Variants in PALLD observed in about 807,000 individuals in gnomAD.
PALLD encodes the protein palladin, cytoskeletal associated protein.
Under a neutral mutation model 123.5 loss-of-function variants are expected in PALLD, and 61 were observed. The ratio of observed to expected loss-of-function variants is 0.49; its 90% confidence interval spans 0.40 to 0.61. The LOEUF is 0.61. Ranked by LOEUF, PALLD falls within the 20% of genes least tolerant of loss-of-function variation. The pLI, the probability that PALLD is intolerant of heterozygous loss-of-function variation, is 0.00. For synonymous variants in PALLD, 465 were observed against 496.4 expected (o/e 0.94, Z 0.84); for missense variants, 1,273 against 1,377.0 (o/e 0.92, Z 1.20).
At chr4:168,706,081 G>A (rs1352416910) in intron 8 of PALLD, among the ~76,000 whole-genome samples, 1 of 152,016 alleles carries the variant, frequency 6.6e-6, no homozygotes, top group Non-Finnish European at 1.5e-5. Flanking sequence ...TTAACTGTAT[G>A]CTTAATGTTG....
At chr4:168,533,574 C>G (rs1458638154) in intron 2 of PALLD, among the ~76,000 whole-genome samples, 1 of 152,164 alleles carries the variant, frequency 6.6e-6, no homozygotes, top group African/African-American at 2.4e-5. Flanking sequence ...ACGGAGAAGT[C>G]CATACGATGT....
chr4:168,882,392 G>T (rs1435363889), intron 10 of PALLD, among the ~76,000 whole-genome samples: 2 of 152,222 alleles, frequency 1.3e-5, no homozygotes, highest in African/African-American at 4.8e-5. Flanking sequence ...GAAAGCTGTT[G>T]TAGAAGCAGC....
At chr4:168,894,109 T>A (rs539810570) in intron 11 of PALLD, 8 of 189,494 alleles carry the variant, frequency 4.2e-5, no homozygotes, top group Non-Finnish European at 8.8e-5. Context: ...ATTATTTCCA[T>A]TAGCGATACC....
intron 10 of PALLD, among the ~76,000 whole-genome samples, chr4:168,889,964 GCTTTTTTTCA>G (rs1209121545): frequency 6.6e-6 from 1 of 152,114 alleles, no homozygotes; most frequent in Non-Finnish European, 1.5e-5. Flanking sequence ...TCTGTGACTT[GCTTTTTTTCA>G]CCGGAACTTT....
intron 2 of PALLD, among the ~76,000 whole-genome samples, chr4:168,658,292 T>TG (rs1432193010): frequency 6.7e-6 from 1 of 148,872 alleles, no homozygotes; most frequent in African/African-American, 2.5e-5. Context: ...TTGGTTTTTT[T>TG]TTTTTTTTTT....
rs138349886 is a variant in PALLD at position 168,564,828 on chromosome 4, G to A, written c.908+52416G>A. ...TCATAGGTCTCTACATTGATCAAAA[G>A]CAGATCCACCCTCATATTTGCTCCC... On this transcript the variant is annotated intron_variant, in intron 2 of 21. Coordinates refer to ENST00000505667, the MANE Select transcript of PALLD (RefSeq NM_001166108.2). Among the ~76,000 whole-genome samples, 16 of 152,150 alleles carry A rather than the reference G, an allele frequency of 1.1e-4. 1 individual carries two copies. The highest frequency in any genetic ancestry group is 2.0e-4 in the Admixed American group (3 of 15,286).
chr4:168,598,766 C>A, intron 2 of PALLD: 1 of 394,392 alleles, frequency 2.5e-6, no homozygotes, highest in South Asian at 2.0e-5. Context: ...TTTCTTGATT[C>A]ACACTGTTGG....
chr4:168,715,810 C>T (rs560131085), intron 10 of PALLD, among the ~76,000 whole-genome samples: 189 of 152,186 alleles, frequency 1.2e-3, no homozygotes, highest in Non-Finnish European at 2.3e-3. Flanking sequence ...ATTAGCCGGG[C>T]GTGGTGGCAG....
chr4:168,832,570 G>A (rs1312090668), intron 10 of PALLD, among the ~76,000 whole-genome samples: 2 of 152,170 alleles, frequency 1.3e-5, no homozygotes, highest in Non-Finnish European at 2.9e-5. Flanking sequence ...GGGTGGGAGA[G>A]CAGAGAAAGC....
At chr4:168,831,438 GC>G (rs1333153873) in intron 10 of PALLD, among the ~76,000 whole-genome samples, 1 of 152,148 alleles carries the variant, frequency 6.6e-6, no homozygotes, top group Non-Finnish European at 1.5e-5. Flanking sequence ...CCTGAATTTA[GC>G]TTTTTATTAC....
intron 10 of PALLD, among the ~76,000 whole-genome samples, chr4:168,729,156 C>A (rs1191726984): frequency 6.6e-6 from 1 of 152,108 alleles, no homozygotes; most frequent in Admixed American, 6.6e-5. Context: ...TTAGTCAGAA[C>A]AAAGGAGGAA....
chr4:168,905,158 T>G lies in PALLD; in HGVS notation c.2622+1252T>G, dbSNP rs1330665489. On this transcript the variant is annotated intron_variant, in intron 15 of 21. Coordinates refer to ENST00000505667, the MANE Select transcript of PALLD (RefSeq NM_001166108.2). ...TGTTGGTTTTTTTTTTTTTTTTTTT[T>G]TTTTTTTTTTGAGATGGAATCTCAC... Among the ~76,000 whole-genome samples, 33 of 137,654 alleles carry G rather than the reference T, an allele frequency of 2.4e-4. 2 individuals are homozygous for G. Among genetic ancestry groups the G allele is most frequent in the East Asian group, 6.4e-4 (3 of 4,684 alleles). The allele number at this position is 137,654 out of a possible 152,430, so 90.3% of individuals were successfully genotyped here.
chr4:168,723,395 G>A (rs1446173857), intron 10 of PALLD, among the ~76,000 whole-genome samples: 2 of 152,222 alleles, frequency 1.3e-5, no homozygotes, highest in African/African-American at 4.8e-5. Flanking sequence ...GAAGGATACT[G>A]AGGAGGCTGG....
intron 8 of PALLD, among the ~76,000 whole-genome samples, chr4:168,693,912 C>T (rs574406501): frequency 3.0e-4 from 45 of 152,228 alleles, no homozygotes; most frequent in Admixed American, 1.3e-3. Flanking sequence ...TGAATGACCA[C>T]GCAAGTGACT....
rs1419662597 is a variant in PALLD, at chr4:168,922,098, TATATACACACAC to T, written c.3058+359_3058+370del. ...AAAGTTTTATATTTATATATATATA[TATATACACACAC>T]ACACACACACACACACACACACACA... On this transcript the variant is annotated intron_variant, in intron 18 of 21. Coordinates refer to ENST00000505667, the MANE Select transcript of PALLD (RefSeq NM_001166108.2). Among the ~76,000 whole-genome samples the T allele has an allele frequency of 1.0e-2, 1,071 of 107,580 alleles. 15 individuals carry two copies. Among genetic ancestry groups the T allele is most frequent in the African/African-American group, 0.031 (993 of 31,918 alleles). 70.6% of individuals were successfully genotyped at this position (107,580 alleles called of 152,430 possible).
At chr4:168,916,268 C>T (rs113605627) in intron 17 of PALLD, among the ~76,000 whole-genome samples, 147 of 152,124 alleles carry the variant, frequency 9.7e-4, no homozygotes, top group African/African-American at 3.3e-3. Flanking sequence ...AAAAGTTAGC[C>T]AGGCGTGGTG....
intron 2 of PALLD, among the ~76,000 whole-genome samples, chr4:168,524,236 A>C (rs1451472024): frequency 3.9e-5 from 6 of 152,220 alleles, no homozygotes; most frequent in African/African-American, 1.4e-4. Flanking sequence ...TTAATTATTT[A>C]CTTGGCCAGT....
At chr4:168,774,145 C>G (rs1030331724) in intron 10 of PALLD, among the ~76,000 whole-genome samples, 88 of 149,406 alleles carry the variant, frequency 5.9e-4, no homozygotes, top group Non-Finnish European at 1.0e-3. Flanking sequence ...CTGCGTAAAA[C>G]AATTCATTAT....
chr4:168,627,235 C>T (rs964908331), intron 2 of PALLD, among the ~76,000 whole-genome samples: 1 of 152,202 alleles, frequency 6.6e-6, no homozygotes, highest in Admixed American at 6.5e-5. Flanking sequence ...ACAGGCCAGG[C>T]ACGGTGGCTC....
Sources: gnomAD v4.1 joint callset for allele counts (sites outside exome capture counted in the v4.1 genomes callset) on GRCh38, gnomAD v4.1.1 for gene constraint, MANE v1.5 for transcripts, NCBI Gene and HGNC (gene_info 2026-07-23, HGNC 2026-07-21) for gene names.